TDRD1: variants seen among roughly 807,000 people sequenced by gnomAD.
TDRD1 encodes the protein tudor domain containing 1.
Under a neutral mutation model 140.6 loss-of-function variants are expected in TDRD1, and 37 were observed. The ratio of observed to expected loss-of-function variants is 0.26; its 90% CI spans 0.20 to 0.35. The LOEUF is 0.35. Among genes scored for constraint, TDRD1 ranks in the 10% least tolerant of loss-of-function variants. The probability of loss-of-function intolerance (pLI) is 1.00; values close to 1 mark genes in which losing one functional copy is unlikely to be tolerated. For missense variants in TDRD1, 1,243 were observed against 1,393.0 expected (o/e 0.89, Z 1.71); for synonymous variants, 506 against 475.7 (o/e 1.06, Z -0.83).
intron 11 of TDRD1, among the ~76,000 whole-genome samples, chr10:114,207,294 C>T (rs1466738975): frequency 6.6e-6 from 1 of 152,184 alleles, no homozygotes; most frequent in Non-Finnish European, 1.5e-5. Flanking sequence ...CTGGAATCAT[C>T]CTTAAATCTA....
chr10:114,200,465 C>G (rs1374223359), intron 4 of TDRD1, among the ~76,000 whole-genome samples: 4 of 152,130 alleles, frequency 2.6e-5, no homozygotes, highest in Admixed American at 6.5e-5. Context: ...CAAGATCTCC[C>G]TGGGTTTTTC....
At chr10:114,199,310 C>T (rs946121795) in exon 4 of TDRD1, 9 of 1,602,932 alleles carry the variant, frequency 5.6e-6, no homozygotes, top group Admixed American at 5.3e-5. Context: ...ATCGCTGTGG[C>T]CTATTTGGTA....
chr10:114,186,337 C>G (rs1339773915), intron 1 of TDRD1, among the ~76,000 whole-genome samples: 1 of 152,130 alleles, frequency 6.6e-6, no homozygotes, highest in East Asian at 1.9e-4. Flanking sequence ...AATCTCGGCT[C>G]ACTGCAAGCT....
At chr10:114,227,344 A>T (rs1248125511) in intron 23 of TDRD1, 45 bp downstream of exon 23, 1 of 1,311,070 alleles carries the variant, frequency 7.6e-7, no homozygotes, top group South Asian at 1.2e-5. Context: ...AAGTGTGAGG[A>T]ATAACAGATA....
At chr10:114,226,010 G>T in intron 21 of TDRD1, 39 bp from the exon 22 acceptor site, 2 of 1,569,174 alleles carry the variant, frequency 1.3e-6, no homozygotes, top group East Asian at 2.2e-5. Flanking sequence ...AGGAATCACT[G>T]ACTGTAAGTT....
chr10:114,191,484 A>C (rs2033963072), intron 3 of TDRD1, among the ~76,000 whole-genome samples: 1 of 152,246 alleles, frequency 6.6e-6, no homozygotes, highest in Admixed American at 6.5e-5. Context: ...TACAAACAGT[A>C]CGTAACCTTT....
intron 10 of TDRD1, 114 bp from the exon 11 acceptor site, chr10:114,206,130 C>T: frequency 1.3e-6 from 1 of 751,980 alleles, no homozygotes; most frequent in Non-Finnish European, 2.2e-6. Context: ...ATATACCAAC[C>T]TATTAATAGC....
intron 1 of TDRD1, among the ~76,000 whole-genome samples, chr10:114,184,502 C>T (rs2033363036): frequency 6.6e-6 from 1 of 152,208 alleles, no homozygotes; most frequent in African/African-American, 2.4e-5. Flanking sequence ...GGGTGAAGGC[C>T]TGTGCTAGCC....
intron 1 of TDRD1, chr10:114,179,892 C>T (rs1365093788): frequency 6.6e-6 from 1 of 152,124 alleles, no homozygotes; most frequent in Admixed American, 6.5e-5. Flanking sequence ...GCTATAAATA[C>T]GTTAGCCCTG....
intron 11 of TDRD1, 129 bp from the exon 12 acceptor site, chr10:114,210,452 C>CA: frequency 1.1e-6 from 1 of 894,370 alleles, no homozygotes; most frequent in Non-Finnish European, 1.6e-6. Context: ...CATGACCTCT[C>CA]AGACTGCCAT....
At chr10:114,218,529 G>T (rs201469108) in exon 18 of TDRD1, 1 of 1,612,350 alleles carries the variant, frequency 6.2e-7, no homozygotes, top group Admixed American at 1.7e-5. Flanking sequence ...AACTCCGAAT[G>T]ATATCATCAA....
At chr10:114,228,290 A>G in intron 25 of TDRD1, 3 of 1,399,502 alleles carry the variant, frequency 2.1e-6, no homozygotes, top group Non-Finnish European at 2.8e-6. Flanking sequence ...CTGTTTTTGT[A>G]GGTTTATCTG....
rs531305052 is a variant in TDRD1, at chr10:114,216,502, A to T, written c.2213-1043A>T. Among the ~76,000 whole-genome samples, 9 of 152,364 alleles carry T rather than the reference A, an allele frequency of 5.9e-5. No individual in the cohort carries two copies. The East Asian group carries it at 1.2e-3, about 20-fold the overall frequency. On this transcript the variant is annotated intron_variant, in intron 16 of 25. Coordinates refer to ENST00000251864, the Ensembl canonical transcript of TDRD1. Reference sequence around the variant, plus strand: ...CATTAAACTAGATAACTAAGGTCCTATCTGACCCCATGGTTGTGAGATTTA... The same window carrying T: ...CATTAAACTAGATAACTAAGGTCCTTTCTGACCCCATGGTTGTGAGATTTA...
intron 3 of TDRD1, among the ~76,000 whole-genome samples, chr10:114,198,841 G>A (rs1007453363): frequency 6.6e-6 from 1 of 152,094 alleles, no homozygotes; most frequent in African/African-American, 2.4e-5. Flanking sequence ...TTTTCTTGTT[G>A]GAGCTTTTAT....
Position 114,189,183 on chromosome 10 carries a change from A to G in TDRD1, c.325+1027A>G, listed in dbSNP as rs374173828. ...CCAGAAATGCCAACTTCAGTTAAAA[A>G]TGCACTTGATTGAGCAGTAAAAAGT... is the stretch of plus-strand genomic sequence containing the variant. On this transcript the variant is annotated intron_variant, in intron 2 of 25. Coordinates refer to ENST00000251864, the Ensembl canonical transcript of TDRD1. Among the ~76,000 whole-genome samples the G allele has an allele frequency of 1.4e-4, 22 of 152,364 alleles. No homozygotes were observed. In the East Asian group the frequency reaches 3.5e-3, roughly 24 times the overall value.
intron 3 of TDRD1, among the ~76,000 whole-genome samples, chr10:114,198,176 C>T (rs2034495963): frequency 6.6e-6 from 1 of 152,310 alleles, no homozygotes; most frequent in East Asian, 1.9e-4. Flanking sequence ...TGCCTCATTA[C>T]AGCTCCCCAT....
At chr10:114,217,999 C>G (rs938431384) in intron 17 of TDRD1, among the ~76,000 whole-genome samples, 1 of 152,108 alleles carries the variant, frequency 6.6e-6, no homozygotes, top group Non-Finnish European at 1.5e-5. Flanking sequence ...ATTGAGACAT[C>G]TTCATTACAA....
intron 11 of TDRD1, among the ~76,000 whole-genome samples, chr10:114,208,256 G>T (rs1173521015): frequency 6.6e-6 from 1 of 152,176 alleles, no homozygotes; most frequent in African/African-American, 2.4e-5. Flanking sequence ...ACATGATTCT[G>T]AAGCCAACAT....
At chr10:114,225,138 C>T (rs1261046229) in intron 21 of TDRD1, among the ~76,000 whole-genome samples, 1 of 152,246 alleles carries the variant, frequency 6.6e-6, no homozygotes, top group Non-Finnish European at 1.5e-5. Flanking sequence ...TCCATGCCCT[C>T]TGTGGTTCAT....
Sources: gnomAD v4.1 joint callset for allele counts (sites outside exome capture counted in the v4.1 genomes callset) on GRCh38, gnomAD v4.1.1 for gene constraint, MANE v1.5 for transcripts, NCBI Gene and HGNC (gene_info 2026-07-23, HGNC 2026-07-21) for gene names.